The following GAREM2 variants were observed in gnomAD, a reference collection of about 807,000 sequenced individuals.
GAREM2 encodes GRB2-associated and regulator of MAPK protein 2.
Under a neutral mutation model 55.6 loss-of-function variants are expected in GAREM2, and 30 were observed. The ratio of observed to expected loss-of-function variants is 0.54; its 90% CI spans 0.40 to 0.73. The LOEUF is 0.73. Among genes scored for constraint, GAREM2 ranks in the 30% least tolerant of loss-of-function variants. The probability of loss-of-function intolerance (pLI) is 0.00; values close to 1 mark genes in which losing one functional copy is unlikely to be tolerated. For missense variants in GAREM2, 1,075 were observed against 1,257.7 expected (o/e 0.85, Z 2.20); for synonymous variants, 550 against 569.1 (o/e 0.97, Z 0.48).
rs1199397284 is a variant in GAREM2, at chr2:26,184,899, C to A, written c.1051C>A (p.Arg351Ser). Reference protein sequence around the residue: ...VRDSASYCRERFDPDEYSTAV... With the variant: ...VRDSASYCRESFDPDEYSTAV... Reference sequence around the variant, plus strand: ...CGACAGCGCCTCCTACTGCCGCGAGCGCTTCGACCCCGACGAGTACTCCAC... The same window carrying A: ...CGACAGCGCCTCCTACTGCCGCGAGAGCTTCGACCCCGACGAGTACTCCAC... The change falls in exon 4 of 6, where the codon CGC becomes AGC. Residue 351 changes from arginine to serine, a missense_variant. Physicochemically the swap from Arg to Ser is moderately radical, Grantham distance 110 (BLOSUM62 -1). Transcript: ENST00000401533. 4 of 1,453,706 alleles carry A rather than the reference C, an allele frequency of 2.8e-6. No homozygotes were observed. Among genetic ancestry groups the A allele is most frequent in the Non-Finnish European group, 3.6e-6 (4 of 1,112,478 alleles). The allele number at this position is 1,453,706 out of a possible 1,614,324, so 90.1% of individuals were successfully genotyped here. A position where few individuals can be genotyped will look rare whatever the true frequency, so the allele number is the denominator to read the frequency against.
chr2:26,186,610 G>A (rs1261452055), intron 5 of GAREM2, among the ~76,000 whole-genome samples: 1 of 152,216 alleles, frequency 6.6e-6, no homozygotes, highest in Non-Finnish European at 1.5e-5. Context: ...TGGGAGCATT[G>A]CCCTGGTCCC....
intron 2 of GAREM2, chr2:26,182,473 T>C: frequency 1.4e-5 from 21 of 1,550,500 alleles, no homozygotes; most frequent in Non-Finnish European, 1.8e-5. Flanking sequence ...CCCAGGGCGA[T>C]GCACAGGATG....
the GAREM2 span, chr2:26,197,907 C>A: frequency 1.4e-6 from 1 of 722,808 alleles, no homozygotes; most frequent in South Asian, 1.4e-5. Context: ...CAGTAGATGT[C>A]ACTCACCCAG....
At chr2:26,196,029 TACA>T in the GAREM2 span, among the ~76,000 whole-genome samples, 2 of 152,236 alleles carry the variant, frequency 1.3e-5, no homozygotes, top group South Asian at 2.1e-4. Flanking sequence ...AGCTATAAGG[TACA>T]ACAAGTGATA....
the GAREM2 span, among the ~76,000 whole-genome samples, chr2:26,196,419 A>G: frequency 0.018 from 2,751 of 152,326 alleles, 82 homozygotes; most frequent in African/African-American, 0.061. Flanking sequence ...CTATATAATA[A>G]AATGCACAGA....
intron 2 of GAREM2, among the ~76,000 whole-genome samples, chr2:26,178,306 T>C (rs1332697242): frequency 6.6e-6 from 1 of 152,202 alleles, no homozygotes; most frequent in Non-Finnish European, 1.5e-5. Flanking sequence ...GTGGCTCTTA[T>C]ATGTAATCCT....
At chr2:26,174,035 G>T (rs1181064099) in intron 1 of GAREM2, among the ~76,000 whole-genome samples, 4 of 152,226 alleles carry the variant, frequency 2.6e-5, no homozygotes, top group Non-Finnish European at 5.9e-5. Context: ...GGGACCGTTT[G>T]GGGGGAGGGG....
At chr2:26,203,003 G>A in the GAREM2 span, among the ~76,000 whole-genome samples, 1 of 152,228 alleles carries the variant, frequency 6.6e-6, no homozygotes, top group Non-Finnish European at 1.5e-5. Flanking sequence ...AAGAGAGACT[G>A]GGGGAGGAAA....
At chr2:26,180,042 T>G (rs1455563872) in intron 2 of GAREM2, among the ~76,000 whole-genome samples, 1 of 152,102 alleles carries the variant, frequency 6.6e-6, no homozygotes, top group Non-Finnish European at 1.5e-5. Context: ...CCTGCCCCCC[T>G]CCACATTTTT....
At chr2:26,200,407 G>T in the GAREM2 span, among the ~76,000 whole-genome samples, 2 of 152,100 alleles carry the variant, frequency 1.3e-5, no homozygotes, top group Non-Finnish European at 2.9e-5. Context: ...GTTCATGTCA[G>T]CCCATCTCAA....
At chr2:26,194,988 A>G in the GAREM2 span, 1 of 1,000,312 alleles carries the variant, frequency 1.0e-6, no homozygotes. Context: ...ATCATATCAA[A>G]GTCTGGTCAT....
At chr2:26,200,078 G>A in the GAREM2 span, among the ~76,000 whole-genome samples, 1 of 152,372 alleles carries the variant, frequency 6.6e-6, no homozygotes, top group South Asian at 2.1e-4. Context: ...GATCATGCCT[G>A]TGGAAGATTG....
At chr2:26,193,741 A>G, downstream of GAREM2, 1 of 1,614,214 alleles carries the variant, frequency 6.2e-7, no homozygotes. Flanking sequence ...GCTTGTGGTC[A>G]GGGAATCCAG....
At position 26,185,275 on chromosome 2, in the gene GAREM2, C is replaced by T; in HGVS notation, c.1427C>T (p.Ala476Val). 6.6e-7 allele frequency: 1 copy of T among 1,513,262 alleles called. No homozygotes were observed. Among genetic ancestry groups the T allele is most frequent in the Non-Finnish European group, 8.8e-7 (1 of 1,137,568 alleles). 93.7% of individuals were successfully genotyped at this position (1,513,262 alleles called of 1,614,324 possible). Residue 476 changes from alanine (A) to valine (V), a missense_variant and splice_region_variant, in exon 4 of 6, where the codon GCG (alanine) becomes GTG (valine). Physicochemically the swap from Ala to Val is moderately conservative, Grantham distance 64. Coordinates refer to ENST00000401533, the MANE Select transcript of GAREM2 (RefSeq NM_001168241.2). ...PPPPVPPKSE[A>V]VKEECRLLNA... ...CCTCCAGTCCCTCCCAAATCCGAGG[C>T]GGTGAGTGAGCGCGCTGGGGGCCGA...
intron 1 of GAREM2, among the ~76,000 whole-genome samples, chr2:26,175,780 G>T (rs1668845375): frequency 6.6e-6 from 1 of 152,174 alleles, no homozygotes; most frequent in Non-Finnish European, 1.5e-5. Context: ...ACCTTATAAG[G>T]GACAGTCCCG....
At chr2:26,197,729 T>C in the GAREM2 span, 12 of 1,561,852 alleles carry the variant, frequency 7.7e-6, no homozygotes, top group East Asian at 2.2e-5. Flanking sequence ...ATTTCACTGA[T>C]TGGGAGAGCA....
chr2:26,191,712 A>G, downstream of GAREM2: 2 of 1,377,432 alleles, frequency 1.5e-6, no homozygotes, highest in Non-Finnish European at 2.1e-6. Flanking sequence ...GGAAGTCGGG[A>G]TGGGTGCATG....
chr2:26,176,641 T>G (rs1339939721), intron 2 of GAREM2, among the ~76,000 whole-genome samples, 157 bp downstream of exon 2: 5 of 152,308 alleles, frequency 3.3e-5, no homozygotes, highest in Admixed American at 2.0e-4. Context: ...TCTGTGGCAC[T>G]CTGGGTTTCT....
intron 1 of GAREM2, 119 bp downstream of exon 1, chr2:26,173,451 T>G: frequency 2.1e-6 from 1 of 470,470 alleles, no homozygotes; most frequent in Middle Eastern, 6.6e-4. Flanking sequence ...CTCCCCGGCG[T>G]GGGCCCCGAG....
Sources: gnomAD v4.1 joint callset for allele counts (sites outside exome capture counted in the v4.1 genomes callset) on GRCh38, gnomAD v4.1.1 for gene constraint, MANE v1.5 for transcripts, NCBI Gene and HGNC (gene_info 2026-07-23, HGNC 2026-07-21) for gene names.